Variants in TIAM1 observed in about 807,000 individuals in gnomAD.
TIAM1 encodes rho guanine nucleotide exchange factor TIAM1.
In TIAM1, 65 loss-of-function variants were observed where a neutral mutation model predicts 163.5. The observed-to-expected ratio is 0.40, with a 90% confidence interval of 0.33 to 0.49. The LOEUF is 0.49. TIAM1 is among the 20% of genes least tolerant of loss of function. The pLI is 0.77. For synonymous variants in TIAM1, 833 were observed against 810.1 expected (o/e 1.03, Z -0.48); for missense variants, 1,789 against 2,044.7 (o/e 0.87, Z 2.41).
intron 2 of TIAM1, among the ~76,000 whole-genome samples, chr21:31,368,158 G>C (rs1569270768): frequency 6.6e-6 from 1 of 152,110 alleles, no homozygotes; most frequent in Non-Finnish European, 1.5e-5. Context: ...CCTAACAAAA[G>C]ATGTCTACCA....
At chr21:31,164,117 G>T (rs1023625283) in intron 16 of TIAM1, among the ~76,000 whole-genome samples, 10 of 152,186 alleles carry the variant, frequency 6.6e-5, no homozygotes, top group African/African-American at 2.4e-4. Context: ...CAGGCCGGGT[G>T]CAGTGGCTCA....
intron 1 of TIAM1, among the ~76,000 whole-genome samples, chr21:31,531,855 G>A (rs1420409104): frequency 6.6e-6 from 1 of 152,010 alleles, no homozygotes; most frequent in Non-Finnish European, 1.5e-5. Flanking sequence ...GGTGGCTCAT[G>A]CTTATAATCC....
chr21:31,280,395 C>G (rs2073496291), intron 2 of TIAM1, among the ~76,000 whole-genome samples: 1 of 152,118 alleles, frequency 6.6e-6, no homozygotes, highest in Non-Finnish European at 1.5e-5. Context: ...TAAGATGTGA[C>G]TTTCTCCTCC....
At chr21:31,281,973 AACTGT>A (rs2073589567) in intron 2 of TIAM1, among the ~76,000 whole-genome samples, 1 of 152,216 alleles carries the variant, frequency 6.6e-6, no homozygotes, top group Admixed American at 6.5e-5. Context: ...TCACTTTTTA[AACTGT>A]TACTTAAGAA....
At chr21:31,437,134 G>T (rs2147291566) in intron 2 of TIAM1, among the ~76,000 whole-genome samples, 1 of 152,062 alleles carries the variant, frequency 6.6e-6, no homozygotes, top group South Asian at 2.1e-4. Context: ...TAGGTTTCCG[G>T]TCTATTTTTA....
intron 1 of TIAM1, among the ~76,000 whole-genome samples, chr21:31,485,104 A>C (rs934921390): frequency 4.6e-4 from 33 of 71,300 alleles, no homozygotes; most frequent in African/African-American, 2.7e-3. Context: ...CAATCTCTGA[A>C]TAATTTCATT....
At chr21:31,375,186 T>C (rs1339509889) in intron 2 of TIAM1, among the ~76,000 whole-genome samples, 2 of 152,182 alleles carry the variant, frequency 1.3e-5, no homozygotes, top group Non-Finnish European at 2.9e-5. Context: ...GCGGTTGGCT[T>C]TCACAAACAT....
intron 2 of TIAM1, among the ~76,000 whole-genome samples, chr21:31,368,758 A>G (rs1361476377): frequency 6.6e-6 from 1 of 152,202 alleles, no homozygotes; most frequent in African/African-American, 2.4e-5. Flanking sequence ...GAGTAGCAGC[A>G]GGGGGAAATA....
chr21:31,378,866 T>C (rs2076731751), intron 2 of TIAM1, among the ~76,000 whole-genome samples: 2 of 152,224 alleles, frequency 1.3e-5, no homozygotes, highest in Admixed American at 6.5e-5. Context: ...ACAATTTACA[T>C]AGCATTTACA....
At chr21:31,534,673 C>G (rs147987767) in intron 1 of TIAM1, among the ~76,000 whole-genome samples, 46 of 152,192 alleles carry the variant, frequency 3.0e-4, no homozygotes, top group Admixed American at 2.9e-3. Context: ...GACTCTCTCT[C>G]AAAAACAGAA....
At chr21:31,243,782 C>T (rs1196086738) in intron 6 of TIAM1, among the ~76,000 whole-genome samples, 1 of 152,162 alleles carries the variant, frequency 6.6e-6, no homozygotes, top group African/African-American at 2.4e-5. Context: ...GGATAAACAG[C>T]TGATTTTTCA....
intron 15 of TIAM1, among the ~76,000 whole-genome samples, chr21:31,172,309 T>A (rs754479506): frequency 2.6e-5 from 4 of 151,852 alleles, no homozygotes; most frequent in Admixed American, 6.5e-5. Flanking sequence ...TTGTTTGTTT[T>A]TTTTTTAATC....
intron 15 of TIAM1, among the ~76,000 whole-genome samples, chr21:31,178,249 T>C (rs192298800): frequency 4.4e-4 from 67 of 151,622 alleles, no homozygotes; most frequent in African/African-American, 1.6e-3. Context: ...TGAAATGCCT[T>C]CTCTCCACCA....
chr21:31,253,304 G>C (rs535817117), intron 4 of TIAM1, among the ~76,000 whole-genome samples: 6 of 152,242 alleles, frequency 3.9e-5, no homozygotes, highest in African/African-American at 1.4e-4. Flanking sequence ...CACCAATTTG[G>C]GGGCCTTTAG....
At chr21:31,378,175 G>C (rs9974238) in intron 2 of TIAM1, among the ~76,000 whole-genome samples, 1 of 150,026 alleles carries the variant, frequency 6.7e-6, no homozygotes, top group African/African-American at 2.5e-5. Context: ...AAAGCTGCAG[G>C]AGAGAGAATG....
At position 31,281,085 on chromosome 21, in the gene TIAM1, CAAAAA is replaced by C. The variant is rs748020575; in HGVS notation, c.-188-4182_-188-4178del. 9.4e-5 allele frequency among the ~76,000 whole-genome samples: 6 copies of C among 63,736 alleles called. No individual in the cohort carries two copies. In the South Asian group the frequency reaches 3.7e-3, roughly 39 times the overall value. 41.8% of individuals were successfully genotyped at this position (63,736 alleles called of 152,430 possible). A position where few individuals can be genotyped will look rare whatever the true frequency, so the allele number is the denominator to read the frequency against. ...TGGGCAACAAAGTGAGACCCTAACT[CAAAAA>C]AAAAAAAAAAAAAAAAAACAACGAC... On this transcript the variant is annotated intron_variant, in intron 2 of 27. Transcript: ENST00000541036.
At chr21:31,151,936 C>T (rs1197591770) in intron 19 of TIAM1, among the ~76,000 whole-genome samples, 1 of 151,814 alleles carries the variant, frequency 6.6e-6, no homozygotes, top group African/African-American at 2.4e-5. Context: ...GATTGTCTTT[C>T]CCCTGGATAA....
intron 1 of TIAM1, among the ~76,000 whole-genome samples, chr21:31,469,274 G>A (rs1425494511): frequency 6.6e-6 from 1 of 151,404 alleles, no homozygotes; most frequent in Non-Finnish European, 1.5e-5. Context: ...GAAGCAGCAG[G>A]GGGGTTGGTA....
chr21:31,282,892 T>C (rs1429507289), intron 2 of TIAM1, among the ~76,000 whole-genome samples: 2 of 152,238 alleles, frequency 1.3e-5, no homozygotes, highest in African/African-American at 4.8e-5. Context: ...TGTTACTTCC[T>C]AATGTATCCA....
Sources: allele counts gnomAD v4.1 joint callset (sites outside exome capture counted in the v4.1 genomes callset), GRCh38; gene constraint gnomAD v4.1.1; transcripts MANE v1.5; gene names NCBI Gene and HGNC (gene_info 2026-07-23, HGNC 2026-07-21).